The following FER variants were observed in gnomAD, a reference collection of about 807,000 sequenced individuals.
The protein encoded by FER is FER tyrosine kinase, also known as tyrosine-protein kinase Fer.
A neutral mutation model predicts 111.0 loss-of-function variants in FER; 63 were observed. The observed-to-expected ratio is 0.57, with a 90% CI of 0.46 to 0.70. The LOEUF is 0.70. FER is among the 30% of genes least tolerant of loss of function. The pLI is 0.00. For missense variants in FER, 914 were observed against 954.0 expected (o/e 0.96, Z 0.55); for synonymous variants, 327 against 313.9 (o/e 1.04, Z -0.44).
chr5:109,103,025 G>A (rs1049308346), intron 17 of FER, among the ~76,000 whole-genome samples: 1 of 151,842 alleles, frequency 6.6e-6, no homozygotes. Context: ...AAAAATATAG[G>A]ATTTACTACA....
intron 17 of FER, among the ~76,000 whole-genome samples, chr5:109,133,477 TA>T (rs1400812221): frequency 1.3e-5 from 2 of 152,150 alleles, no homozygotes; most frequent in African/African-American, 2.4e-5. Flanking sequence ...TTGAAAAATT[TA>T]AAAAGGTTAG....
intron 17 of FER, among the ~76,000 whole-genome samples, chr5:109,152,684 G>T (rs1754976393): frequency 6.6e-6 from 1 of 151,876 alleles, no homozygotes; most frequent in Non-Finnish European, 1.5e-5. Flanking sequence ...GTGAAATTAT[G>T]TGTATATACA....
At chr5:108,862,700 G>A (rs1024066695) in intron 5 of FER, among the ~76,000 whole-genome samples, 6 of 152,120 alleles carry the variant, frequency 3.9e-5, no homozygotes, top group South Asian at 4.1e-4. Flanking sequence ...TTATGAACAT[G>A]TGGACTGTGG....
At chr5:109,078,208 C>T (rs1392273911) in intron 16 of FER, among the ~76,000 whole-genome samples, 1 of 152,116 alleles carries the variant, frequency 6.6e-6, no homozygotes, top group Non-Finnish European at 1.5e-5. Context: ...TCCCTCTATA[C>T]TCCCTATATA....
intron 13 of FER, among the ~76,000 whole-genome samples, chr5:109,013,367 A>T (rs1406304872): frequency 5.3e-5 from 8 of 151,556 alleles, no homozygotes; most frequent in African/African-American, 1.9e-4. Flanking sequence ...ACTGAGAATG[A>T]TGATTTCCAA....
In FER at chr5:109,189,611, T is replaced by G. The variant is rs1245977387; in HGVS notation, c.*2036T>G. On this transcript the variant is annotated 3_prime_UTR_variant, in exon 20 of 20. Transcript: ENST00000281092. ...CAGAAGTGCTATGGTATTGAGGCAC[T>G]TACCAACCTTCAAAAGTAAGAGTAA... 1 of 152,220 alleles carries G rather than the reference T, an allele frequency of 6.6e-6. No individual in the cohort carries two copies. The highest frequency in any genetic ancestry group is 1.5e-5 in the Non-Finnish European group (1 of 68,040). 9.4% of individuals were successfully genotyped at this position (152,220 alleles called of 1,614,324 possible).
At chr5:109,041,401 C>T (rs1038494899) in intron 14 of FER, among the ~76,000 whole-genome samples, 3 of 151,370 alleles carry the variant, frequency 2.0e-5, no homozygotes, top group African/African-American at 4.9e-5. Flanking sequence ...GTGATAGAAC[C>T]GAAAGATTGG....
chr5:108,836,941 G>C (rs894515422), intron 5 of FER, among the ~76,000 whole-genome samples: 70 of 152,142 alleles, frequency 4.6e-4, no homozygotes, highest in African/African-American at 1.7e-3. Context: ...TACTAGGGAA[G>C]TTGTATGCAT....
Position 108,883,487 on chromosome 5 carries a change from G to T in FER, c.1015G>T (p.Glu339Ter). 6.2e-7 allele frequency: 1 copy of T among 1,605,940 alleles called. No homozygotes were observed. The highest frequency in any genetic ancestry group is 8.5e-7 in the Non-Finnish European group (1 of 1,174,916). ...TTTGGAGTTAGAGAAGAGAATTGAA[G>T]AATCTTCTGAAACTTGTGAGAAGAA... ...AVLELEKRIE[E>*]SSETCEKKSD... The change falls in exon 9 of 20, where the codon GAA (glutamate) becomes TAA (stop). Residue 339 changes from glutamate to a stop codon, truncating the protein, a stop_gained. Transcript: ENST00000281092. LOFTEE classifies it high-confidence loss of function.
intron 2 of FER, among the ~76,000 whole-genome samples, chr5:108,772,961 A>C (rs545137121): frequency 6.6e-6 from 1 of 152,372 alleles, no homozygotes; most frequent in South Asian, 2.1e-4. Flanking sequence ...AGAGACACTC[A>C]GAGCTAAGCA....
At chr5:108,849,973 T>A (rs1306735890) in intron 5 of FER, among the ~76,000 whole-genome samples, 3 of 152,026 alleles carry the variant, frequency 2.0e-5, no homozygotes, top group Non-Finnish European at 4.4e-5. Context: ...GGGTGGATCA[T>A]GAGGTCAAGA....
intron 16 of FER, among the ~76,000 whole-genome samples, chr5:109,080,855 C>T (rs1247814865): frequency 6.6e-6 from 1 of 151,988 alleles, no homozygotes; most frequent in East Asian, 1.9e-4. Flanking sequence ...ACAGGAGTTC[C>T]AGCTTTTCAA....
chr5:108,861,422 T>C (rs1580921822), intron 5 of FER, among the ~76,000 whole-genome samples: 1 of 152,186 alleles, frequency 6.6e-6, no homozygotes, highest in East Asian at 1.9e-4. Flanking sequence ...AAACATTAAA[T>C]AGATTTGTCA....
At chr5:109,067,551 A>G (rs954278267) in intron 16 of FER, among the ~76,000 whole-genome samples, 5 of 152,020 alleles carry the variant, frequency 3.3e-5, no homozygotes, top group African/African-American at 1.2e-4. Flanking sequence ...TTAATTTGAT[A>G]AAATATCTTG....
At chr5:108,918,347 T>C (rs1400486196) in intron 10 of FER, among the ~76,000 whole-genome samples, 1 of 152,188 alleles carries the variant, frequency 6.6e-6, no homozygotes, top group Non-Finnish European at 1.5e-5. Context: ...TTGCAGAATC[T>C]AGAATCCATC....
intron 10 of FER, among the ~76,000 whole-genome samples, chr5:108,914,246 TG>T: frequency 6.6e-6 from 1 of 152,084 alleles, no homozygotes; most frequent in African/African-American, 2.4e-5. Flanking sequence ...TGTGTGTGTG[TG>T]TGTGTGTGTG....
In FER at chr5:108,797,557, C is replaced by G. The variant is rs117185683; in HGVS notation, c.-59-567C>G. ...TGCAAAGTCCCACAATCACAGTGCT[C>G]TCTTTCTCCTCCAAGCATACTCTGT... On this transcript the variant is annotated intron_variant, in intron 2 of 19. Coordinates refer to ENST00000281092, the MANE Select transcript of FER (RefSeq NM_005246.4). Among the ~76,000 whole-genome samples, 8 of 152,300 alleles carry G rather than the reference C, an allele frequency of 5.3e-5. No individual in the cohort carries two copies. The East Asian group carries it at 1.4e-3, about 26-fold the overall frequency.
intron 13 of FER, among the ~76,000 whole-genome samples, chr5:109,015,612 G>A (rs1766982310): frequency 1.3e-5 from 2 of 151,936 alleles, no homozygotes; most frequent in African/African-American, 4.8e-5. Flanking sequence ...GGTGACATAA[G>A]CATGAACAGA....
At chr5:108,876,691 A>C (rs929746948) in intron 8 of FER, among the ~76,000 whole-genome samples, 1 of 152,216 alleles carries the variant, frequency 6.6e-6, no homozygotes, top group Non-Finnish European at 1.5e-5. Context: ...TCTTATGGTC[A>C]TGGATTGCTA....
Sources: gnomAD v4.1 joint callset for allele counts (sites outside exome capture counted in the v4.1 genomes callset) on GRCh38, gnomAD v4.1.1 for gene constraint, MANE v1.5 for transcripts, NCBI Gene and HGNC (gene_info 2026-07-23, HGNC 2026-07-21) for gene names.